PRKCA: variants seen among roughly 807,000 people sequenced by gnomAD.
PRKCA encodes protein kinase C alpha type.
Under a neutral mutation model 87.0 loss-of-function variants are expected in PRKCA, and 27 were observed. The ratio of observed to expected loss-of-function variants is 0.31; its 90% CI spans 0.23 to 0.43. The LOEUF (loss-of-function observed/expected upper bound fraction) is 0.43, where lower values mean the gene tolerates loss of function less well. Among genes scored for constraint, PRKCA ranks in the 20% least tolerant of loss-of-function variants. The probability of loss-of-function intolerance (pLI) is 1.00; values close to 1 mark genes in which losing one functional copy is unlikely to be tolerated. For missense variants in PRKCA, 518 were observed against 852.3 expected (o/e 0.61, Z 4.88); for synonymous variants, 329 against 311.1 (o/e 1.06, Z -0.61).
chr17:66,384,677 G>A (rs1365230023), intron 2 of PRKCA, among the ~76,000 whole-genome samples: 1 of 151,926 alleles, frequency 6.6e-6, no homozygotes, highest in Non-Finnish European at 1.5e-5. Flanking sequence ...CGCCCAGGCT[G>A]GAGTGTAGTG....
At chr17:66,740,201 C>A (rs947157772) in intron 11 of PRKCA, among the ~76,000 whole-genome samples, 1 of 152,006 alleles carries the variant, frequency 6.6e-6, no homozygotes, top group African/African-American at 2.4e-5. Context: ...TGGAACGCAC[C>A]TGCATGATGG....
intron 2 of PRKCA, among the ~76,000 whole-genome samples, chr17:66,352,364 C>T (rs1907792852): frequency 1.3e-5 from 2 of 152,000 alleles, no homozygotes; most frequent in Admixed American, 1.3e-4. Context: ...GGCCTGGAGG[C>T]TTTTCTGTGA....
Position 66,635,959 on chromosome 17 carries a change from T to TA in PRKCA, c.289-5386dup, listed in dbSNP as rs780462684. On this transcript the variant is annotated intron_variant, in intron 3 of 16. Transcript: ENST00000413366. Reference sequence around the variant, plus strand: ...TAAATTATTTCAAATTAAATAGCTTTAAAAAAAAAAGAATTAAAGAGATGA... The same window carrying TA: ...TAAATTATTTCAAATTAAATAGCTTTAAAAAAAAAAAGAATTAAAGAGATGA... Among the ~76,000 whole-genome samples, 1,192 of 149,534 alleles carry TA rather than the reference T, an allele frequency of 8.0e-3. 10 individuals are homozygous for TA. The highest frequency in any genetic ancestry group is 0.013 in the Non-Finnish European group (845 of 67,226).
chr17:66,360,008 A>G (rs1908295688), intron 2 of PRKCA, among the ~76,000 whole-genome samples: 1 of 152,212 alleles, frequency 6.6e-6, no homozygotes, highest in Non-Finnish European at 1.5e-5. Context: ...CCAAAATTAT[A>G]GCAGTGATGG....
chr17:66,693,348 G>A (rs995538771), intron 8 of PRKCA, among the ~76,000 whole-genome samples: 3 of 152,300 alleles, frequency 2.0e-5, no homozygotes, highest in Non-Finnish European at 2.9e-5. Context: ...TAAAGTACAC[G>A]TGGTCCCTGA....
At chr17:66,683,158 A>AT (rs917209058) in intron 5 of PRKCA, among the ~76,000 whole-genome samples, 32 of 152,236 alleles carry the variant, frequency 2.1e-4, no homozygotes, top group African/African-American at 7.5e-4. Context: ...CTAGAAATGA[A>AT]TAACATCTAT....
At chr17:66,751,888 C>T (rs1974437118) in intron 13 of PRKCA, among the ~76,000 whole-genome samples, 1 of 152,226 alleles carries the variant, frequency 6.6e-6, no homozygotes, top group Admixed American at 6.5e-5. Context: ...AGGTGCTACA[C>T]ACTTTCAAAC....
chr17:66,609,940 C>T (rs139352897), intron 3 of PRKCA, among the ~76,000 whole-genome samples: 131 of 152,264 alleles, frequency 8.6e-4, no homozygotes, highest in African/African-American at 3.0e-3. Flanking sequence ...CACAAAGCAA[C>T]TCTCCAGCAG....
chr17:66,442,551 C>G (rs1389281338), intron 2 of PRKCA, among the ~76,000 whole-genome samples: 1 of 152,174 alleles, frequency 6.6e-6, no homozygotes, highest in Non-Finnish European at 1.5e-5. Flanking sequence ...GATCCTTAAA[C>G]TGGCCTACAA....
At chr17:66,522,437 A>G (rs1010480521) in intron 3 of PRKCA, among the ~76,000 whole-genome samples, 2 of 152,176 alleles carry the variant, frequency 1.3e-5, no homozygotes. Context: ...GAGAATAGGC[A>G]GGGGGAAGAG....
chr17:66,570,504 A>G (rs1318283817), intron 3 of PRKCA, among the ~76,000 whole-genome samples: 2 of 152,300 alleles, frequency 1.3e-5, no homozygotes, highest in Admixed American at 1.3e-4. Flanking sequence ...CACCCAGGCT[A>G]TTGTGCAGCG....
chr17:66,626,500 T>C (rs1316114907), intron 3 of PRKCA, among the ~76,000 whole-genome samples: 36 of 151,418 alleles, frequency 2.4e-4, no homozygotes, highest in Admixed American at 2.4e-3. Flanking sequence ...TAGCTGGGAC[T>C]ACAGGCACCC....
chr17:66,730,417 A>G (rs1568000444), intron 8 of PRKCA, among the ~76,000 whole-genome samples: 1 of 152,236 alleles, frequency 6.6e-6, no homozygotes, highest in Non-Finnish European at 1.5e-5. Context: ...GCAGCCCTGC[A>G]GGCTGCTGAT....
intron 2 of PRKCA, among the ~76,000 whole-genome samples, chr17:66,433,863 A>G (rs962062693): frequency 6.6e-6 from 1 of 152,104 alleles, no homozygotes; most frequent in African/African-American, 2.4e-5. Flanking sequence ...GAGTTTCTGA[A>G]ACATCTCACT....
intron 5 of PRKCA, among the ~76,000 whole-genome samples, chr17:66,684,513 A>C (rs1972574996): frequency 1.3e-5 from 2 of 152,208 alleles, no homozygotes; most frequent in Non-Finnish European, 1.5e-5. Context: ...TGTGATAAGA[A>C]ATTGAAATTT....
intron 3 of PRKCA, among the ~76,000 whole-genome samples, chr17:66,568,354 T>C (rs1288139219): frequency 6.6e-6 from 1 of 152,118 alleles, no homozygotes; most frequent in African/African-American, 2.4e-5. Flanking sequence ...TCTTTATTTG[T>C]GGTAGAGGTT....
chr17:66,466,841 G>A (rs576204459), intron 2 of PRKCA, among the ~76,000 whole-genome samples: 2 of 151,726 alleles, frequency 1.3e-5, no homozygotes, highest in South Asian at 2.1e-4. Context: ...GGAAGTCCAC[G>A]TGGATGTTTG....
At chr17:66,373,090 A>G (rs1452005955) in intron 2 of PRKCA, among the ~76,000 whole-genome samples, 1 of 152,124 alleles carries the variant, frequency 6.6e-6, no homozygotes, top group African/African-American at 2.4e-5. Flanking sequence ...AGAGAGATTG[A>G]TTTATGGCTC....
chr17:66,478,362 C>A (rs1474865574), intron 2 of PRKCA, among the ~76,000 whole-genome samples: 4 of 152,158 alleles, frequency 2.6e-5, no homozygotes, highest in Non-Finnish European at 4.4e-5. Flanking sequence ...TCAAGTGATT[C>A]TCCTGCCTCA....
Sources: gnomAD v4.1 joint callset for allele counts (sites outside exome capture counted in the v4.1 genomes callset) on GRCh38, gnomAD v4.1.1 for gene constraint, MANE v1.5 for transcripts, NCBI Gene and HGNC (gene_info 2026-07-23, HGNC 2026-07-21) for gene names.